The following TVP23B variants were observed in gnomAD, a reference collection of about 807,000 sequenced individuals.
The protein encoded by TVP23B is trans-golgi network vesicle protein 23 homolog B, also known as Golgi apparatus membrane protein TVP23 homolog B.
Under a neutral mutation model 30.6 loss-of-function variants are expected in TVP23B, and 10 were observed. The observed-to-expected ratio is 0.33, with a 90% CI of 0.20 to 0.55. The LOEUF (loss-of-function observed/expected upper bound fraction) is 0.55. TVP23B is among the 20% of genes least tolerant of loss of function. The pLI is 0.91. For synonymous variants in TVP23B, 67 were observed against 83.1 expected (o/e 0.81, Z 1.06); for missense variants, 153 against 243.2 (o/e 0.63, Z 2.47).
In TVP23B at chr17:18,781,247, T is replaced by C. The variant is rs1489657310; in HGVS notation, c.-47T>C. On this transcript the variant is annotated 5_prime_UTR_variant, in exon 1 of 7. Coordinates refer to ENST00000307767, the MANE Select transcript of TVP23B (RefSeq NM_016078.6). ...TCAGTTCCGACCCGGACCCGTACGC[T>C]GCTGCGCTGACGTGGCTCCCGGAAG... 2.6e-6 allele frequency: 4 copies of C among 1,557,650 alleles called. No homozygotes were observed. The Admixed American group carries it at 7.7e-5, about 30-fold the overall frequency.
intron 1 of TVP23B, among the ~76,000 whole-genome samples, chr17:18,783,827 C>T (rs1406917142): frequency 3.3e-5 from 5 of 152,206 alleles, no homozygotes; most frequent in African/African-American, 7.2e-5. Context: ...AACATATAAA[C>T]GTGCTTTAAT....
At chr17:18,790,566 TTTGAAAA>T (rs1300095633) in intron 2 of TVP23B, among the ~76,000 whole-genome samples, 1 of 152,170 alleles carries the variant, frequency 6.6e-6, no homozygotes, top group Non-Finnish European at 1.5e-5. Context: ...TTTGGTGTGA[TTTGAAAA>T]TAGGATTCAA....
chr17:18,785,038 A>G (rs950596609), intron 1 of TVP23B, among the ~76,000 whole-genome samples: 10 of 152,186 alleles, frequency 6.6e-5, no homozygotes, highest in African/African-American at 2.4e-4. Flanking sequence ...CCTCCACTGC[A>G]TCCATCTTAG....
At chr17:18,782,514 A>G (rs1257009413) in intron 1 of TVP23B, 1 of 151,296 alleles carries the variant, frequency 6.6e-6, no homozygotes, top group Non-Finnish European at 1.5e-5. Flanking sequence ...CAAACAAAAC[A>G]AAAAAAGTCT....
intron 6 of TVP23B, among the ~76,000 whole-genome samples, chr17:18,805,181 C>T (rs1369699300): frequency 1.3e-5 from 2 of 151,252 alleles, no homozygotes; most frequent in African/African-American, 2.4e-5. Flanking sequence ...CTCCGCCTCC[C>T]GGGTTCACGC....
chr17:18,792,966 C>A (rs1392626815), intron 3 of TVP23B, among the ~76,000 whole-genome samples: 1 of 152,138 alleles, frequency 6.6e-6, no homozygotes, highest in African/African-American at 2.4e-5. Context: ...CTTTTGGTTT[C>A]CCTGGGCCAC....
At position 18,789,407 on chromosome 17, in the gene TVP23B, A is replaced by G; in HGVS notation, c.67A>G (p.Thr23Ala). 6.2e-7 allele frequency: 1 copy of G among 1,614,010 alleles called. No individual in the cohort carries two copies. The highest frequency in any genetic ancestry group is 2.2e-5 in the East Asian group (1 of 44,884). Residue 23 changes from threonine to alanine, a missense_variant, in exon 2 of 7, where the codon ACT becomes GCT. This residue lies in a region of TVP23B where 38 missense variants were observed against 40.9 expected (regional missense o/e 0.93). Coordinates refer to ENST00000307767, the MANE Select transcript of TVP23B (RefSeq NM_016078.6). ...ACTGTTTGATGCGGAAGAGGAGACG[A>G]CTAATAGACCAAGAAAAGCCAAAAT... ...VSLFDAEEETTNRPRKAKIRH... is the reference protein window; with the variant it reads ...VSLFDAEEETANRPRKAKIRH...
Position 18,805,646 on chromosome 17 carries a change from A to G in TVP23B, c.*79A>G, listed in dbSNP as rs1331675457. ...GACTCAACCTTTTAGAGCTTAGTCC[A>G]TGTTGCAACGAGGAGTGTTGGCTTT... is the stretch of plus-strand genomic sequence containing the variant. On this transcript the variant is annotated 3_prime_UTR_variant, in exon 7 of 7. Transcript: ENST00000307767. The G allele has an allele frequency of 1.5e-5, 23 of 1,531,384 alleles. No homozygotes were observed. Among genetic ancestry groups the G allele is most frequent in the East Asian group, 4.6e-5 (2 of 43,100 alleles). 94.9% of individuals were successfully genotyped at this position (1,531,384 alleles called of 1,614,324 possible).
chr17:18,783,340 A>G (rs2035839788), intron 1 of TVP23B, among the ~76,000 whole-genome samples: 1 of 152,144 alleles, frequency 6.6e-6, no homozygotes, highest in Non-Finnish European at 1.5e-5. Context: ...TCCTGACCTC[A>G]GGTGATCCAC....
chr17:18,790,848 C>T, intron 2 of TVP23B, 48 bp from the exon 3 acceptor site: 3 of 1,548,930 alleles, frequency 1.9e-6, no homozygotes, highest in South Asian at 1.2e-5. Context: ...TTGCTAGTAC[C>T]TGTAGTAAAA....
At chr17:18,790,597 G>A (rs2035977414) in intron 2 of TVP23B, among the ~76,000 whole-genome samples, 1 of 152,068 alleles carries the variant, frequency 6.6e-6, no homozygotes, top group African/African-American at 2.4e-5. Flanking sequence ...CTAAGATACA[G>A]TTTCCTTATT....
At chr17:18,802,839 T>G (rs568049425) in intron 5 of TVP23B, among the ~76,000 whole-genome samples, 1 of 152,296 alleles carries the variant, frequency 6.6e-6, no homozygotes, top group South Asian at 2.1e-4. Flanking sequence ...CATGTTGATA[T>G]ATACATACCC....
At chr17:18,794,372 A>T (rs1007479929) in intron 3 of TVP23B, among the ~76,000 whole-genome samples, 1 of 152,262 alleles carries the variant, frequency 6.6e-6, no homozygotes, top group Non-Finnish European at 1.5e-5. Flanking sequence ...AGAAATTAAT[A>T]GAAAGTAGTT....
chr17:18,793,248 G>GT (rs2036024011), intron 3 of TVP23B, among the ~76,000 whole-genome samples: 1 of 151,930 alleles, frequency 6.6e-6, no homozygotes, highest in Non-Finnish European at 1.5e-5. Flanking sequence ...GCTTATATTG[G>GT]TTTTTATTTT....
chr17:18,804,944 G>T (rs1407269933), intron 6 of TVP23B, among the ~76,000 whole-genome samples: 1 of 151,936 alleles, frequency 6.6e-6, no homozygotes, highest in African/African-American at 2.4e-5. Context: ...CATAACATTT[G>T]TACTCAGATG....
intron 3 of TVP23B, among the ~76,000 whole-genome samples, chr17:18,792,534 G>A (rs1037624334): frequency 1.7e-4 from 26 of 152,172 alleles, no homozygotes; most frequent in African/African-American, 6.3e-4. Flanking sequence ...ACTGCTCACA[G>A]TTTTGATACA....
rs1291757313 is a variant in TVP23B at position 18,806,552 on chromosome 17, C to T, written c.*985C>T. On this transcript the variant is annotated 3_prime_UTR_variant, in exon 7 of 7. Coordinates refer to ENST00000307767, the MANE Select transcript of TVP23B (RefSeq NM_016078.6). Reference sequence around the variant, plus strand: ...TAAATTCTGTTGTAGGTATTATAAACTTTGTTGAAGTCTTAATCAGCAGAT... The same window carrying T: ...TAAATTCTGTTGTAGGTATTATAAATTTTGTTGAAGTCTTAATCAGCAGAT... The T allele has an allele frequency of 8.2e-6, 2 of 243,668 alleles. No individual in the cohort carries two copies. Among genetic ancestry groups the T allele is most frequent in the Non-Finnish European group, 1.3e-5 (2 of 154,852 alleles). The allele number at this position is 243,668 out of a possible 1,614,324, so 15.1% of individuals were successfully genotyped here. A position where few individuals can be genotyped will look rare whatever the true frequency, so the allele number is the denominator to read the frequency against.
chr17:18,781,428 G>A (rs2035805845), intron 1 of TVP23B, 123 bp downstream of exon 1: 8 of 1,491,420 alleles, frequency 5.4e-6, no homozygotes, highest in Admixed American at 2.1e-5. Context: ...CGGGGCGGCC[G>A]GGAGTGGAGG....
intron 5 of TVP23B, among the ~76,000 whole-genome samples, chr17:18,799,917 G>A: frequency 6.6e-6 from 1 of 151,690 alleles, no homozygotes; most frequent in East Asian, 1.9e-4. Context: ...TCCTTCTTTG[G>A]ATTTGGAAGC....
Sources: allele counts gnomAD v4.1 joint callset (sites outside exome capture counted in the v4.1 genomes callset), GRCh38; gene constraint gnomAD v4.1.1; regional missense constraint gnomAD v4.1.1; transcripts MANE v1.5; gene names NCBI Gene and HGNC (gene_info 2026-07-23, HGNC 2026-07-21).